MCPH1: variants seen among roughly 807,000 people sequenced by gnomAD.
MCPH1 encodes the protein microcephalin 1, also known as microcephalin.
Under a neutral mutation model 84.5 loss-of-function variants are expected in MCPH1, and 104 were observed. The observed-to-expected ratio is 1.23, with a 90% CI of 1.05 to 1.45. The LOEUF is 1.45. Ranked by LOEUF, MCPH1 falls within the 40% of genes most tolerant of loss-of-function variation. The pLI, the probability that MCPH1 is intolerant of heterozygous loss-of-function variation, is 0.00. For synonymous variants in MCPH1, 514 were observed against 366.8 expected, an observed-to-expected ratio of 1.40 and a Z score of -4.58; for missense variants, 1,498 against 1,005.7, an observed-to-expected ratio of 1.49 and a Z score of -6.62.
At chr8:6,628,461 C>G (rs1461637159) in intron 13 of MCPH1, among the ~76,000 whole-genome samples, 2 of 112,970 alleles carry the variant, frequency 1.8e-5, no homozygotes, top group Non-Finnish European at 3.4e-5. Context: ...CAGAGTAAGA[C>G]TCTGTCTCAA....
intron 12 of MCPH1, chr8:6,616,416 T>C (rs1336445850): frequency 6.6e-6 from 1 of 152,244 alleles, no homozygotes; most frequent in Non-Finnish European, 1.5e-5. Context: ...TCTGTTCTGC[T>C]TAGCTTTGTC....
At chr8:6,406,998 C>G in intron 1 of MCPH1, 1 of 445,460 alleles carries the variant, frequency 2.2e-6, no homozygotes, top group South Asian at 2.2e-5. Flanking sequence ...GCCCCAACCC[C>G]CGTGCTGCTA....
chr8:6,583,883 G>C (rs1481279184), intron 12 of MCPH1, among the ~76,000 whole-genome samples: 1 of 120,634 alleles, frequency 8.3e-6, no homozygotes, highest in African/African-American at 3.0e-5. Context: ...CATATCTTTG[G>C]CATTTTGTAC....
chr8:6,614,024 T>C (rs530697323), intron 12 of MCPH1, among the ~76,000 whole-genome samples: 9 of 152,196 alleles, frequency 5.9e-5, no homozygotes, highest in Non-Finnish European at 1.3e-4. Context: ...ACATCGTTTG[T>C]ACTTCTCCCT....
chr8:6,643,103 G>T lies in MCPH1; in HGVS notation c.*54G>T, dbSNP rs1187612953. On this transcript the variant is annotated 3_prime_UTR_variant, in exon 14 of 14. Transcript: ENST00000344683. ...CACACAGCTCGCAAAACTGTCTTTG[G>T]ATGTTCAAATGAGAAACAAAACTGT... 6.7e-6 allele frequency: 10 copies of T among 1,484,010 alleles called. No homozygotes were observed. Among genetic ancestry groups the T allele is most frequent in the Non-Finnish European group, 9.4e-6 (10 of 1,063,048 alleles). The allele number at this position is 1,484,010 out of a possible 1,614,324, so 91.9% of individuals were successfully genotyped here.
Position 6,489,594 on chromosome 8 carries a change from G to C in MCPH1, c.2136+8718G>C, listed in dbSNP as rs137899475. 2.2e-3 allele frequency among the ~76,000 whole-genome samples: 340 copies of C among 152,302 alleles called. 4 individuals are homozygous for C. The highest frequency in any genetic ancestry group is 7.9e-3 in the African/African-American group (327 of 41,572). On this transcript the variant is annotated intron_variant, in intron 11 of 13. Transcript: ENST00000344683. ...TGGAAGCACTAGGGTTATGTGTAAT[G>C]GTGCGATTTGCTGAGTTAGGGATTA...
At chr8:6,423,999 T>C (rs1388833461) in intron 3 of MCPH1, among the ~76,000 whole-genome samples, 4 of 152,210 alleles carry the variant, frequency 2.6e-5, no homozygotes, top group Non-Finnish European at 4.4e-5. Context: ...GTCACGTCTG[T>C]CCTTTCTTGG....
intron 7 of MCPH1, among the ~76,000 whole-genome samples, chr8:6,443,744 G>A (rs985423732): frequency 3.9e-5 from 6 of 152,250 alleles, no homozygotes; most frequent in Non-Finnish European, 5.9e-5. Context: ...GACAACCCAG[G>A]TGGGTTTGGA....
chr8:6,621,483 A>G lies in MCPH1; in HGVS notation c.2244A>G (p.Ala748=), dbSNP rs776950876. Residue 748 remains alanine, a synonymous_variant, in exon 13 of 14, where the codon GCA becomes GCG. Coordinates refer to ENST00000344683, the MANE Select transcript of MCPH1 (RefSeq NM_024596.5). Reference sequence around the variant, plus strand: ...GCCGAAGCGAGTGCCACTTGTCTGCAGGGCCGTACCGCGGAACCCTCTTTG... The same window carrying G: ...GCCGAAGCGAGTGCCACTTGTCTGCGGGGCCGTACCGCGGAACCCTCTTTG... ...PLCRSECHLS[A]GPYRGTLFAD... The G allele has an allele frequency of 1.2e-6, 2 of 1,614,066 alleles. No individual in the cohort carries two copies. Among genetic ancestry groups the G allele is most frequent in the East Asian group, 2.2e-5 (1 of 44,880 alleles).
intron 6 of MCPH1, among the ~76,000 whole-genome samples, chr8:6,440,428 G>GCC (rs1803336542): frequency 6.6e-6 from 1 of 152,180 alleles, no homozygotes; most frequent in South Asian, 2.1e-4. Flanking sequence ...GAGTCTCCCT[G>GCC]TGTTGCGCAG....
At chr8:6,551,222 A>G (rs1823595236) in intron 12 of MCPH1, among the ~76,000 whole-genome samples, 1 of 148,748 alleles carries the variant, frequency 6.7e-6, no homozygotes, top group Non-Finnish European at 1.5e-5. Context: ...AGGGCTGCTT[A>G]TTCGTGATTT....
chr8:6,644,683 G>C lies in MCPH1; in HGVS notation c.*1634G>C, dbSNP rs1798127968. The C allele has an allele frequency of 6.6e-6, 1 of 152,178 alleles. No homozygotes were observed. Among genetic ancestry groups the C allele is most frequent in the African/African-American group, 2.4e-5 (1 of 41,432 alleles). 9.4% of individuals were successfully genotyped at this position (152,178 alleles called of 1,614,324 possible). ...CATAAACGAGATGCTGAGTCCCAGCGAGGTCGGAGGTGCCACTGAGCCCTC... is the reference window on the plus strand; with the variant it reads ...CATAAACGAGATGCTGAGTCCCAGCCAGGTCGGAGGTGCCACTGAGCCCTC... On this transcript the variant is annotated 3_prime_UTR_variant, in exon 14 of 14. Coordinates refer to ENST00000344683, the MANE Select transcript of MCPH1 (RefSeq NM_024596.5).
intron 12 of MCPH1, among the ~76,000 whole-genome samples, chr8:6,608,227 C>G (rs896503126): frequency 6.6e-6 from 1 of 152,216 alleles, no homozygotes; most frequent in African/African-American, 2.4e-5. Flanking sequence ...AATGCCAGGC[C>G]TCACCTGCCC....
rs148936716 is a variant in MCPH1 at position 6,448,560 on chromosome 8, G to A, written c.1825+3013G>A. Among the ~76,000 whole-genome samples the A allele has an allele frequency of 3.3e-5, 5 of 152,324 alleles. No homozygotes were observed. The East Asian group carries it at 7.7e-4, about 23-fold the overall frequency. On this transcript the variant is annotated intron_variant, in intron 8 of 13. Transcript: ENST00000344683. Reference sequence around the variant, plus strand: ...CCATGGTCACTGAAGAACAGACTGTGGGTTGGAGTGTTTGTCTGCACGAAG... The same window carrying A: ...CCATGGTCACTGAAGAACAGACTGTAGGTTGGAGTGTTTGTCTGCACGAAG...
intron 12 of MCPH1, among the ~76,000 whole-genome samples, chr8:6,535,330 G>T (rs1402607305): frequency 6.6e-6 from 1 of 152,122 alleles, no homozygotes; most frequent in South Asian, 2.1e-4. Context: ...ATTCCAATTT[G>T]AAATTAAACT....
intron 12 of MCPH1, chr8:6,616,174 T>A (rs1830770826): frequency 6.6e-6 from 1 of 152,208 alleles, no homozygotes; most frequent in Non-Finnish European, 1.5e-5. Flanking sequence ...ACTACAGCCC[T>A]GTAAGACACG....
intron 12 of MCPH1, among the ~76,000 whole-genome samples, chr8:6,593,259 T>C (rs923020771): frequency 1.3e-5 from 2 of 151,456 alleles, no homozygotes; most frequent in African/African-American, 4.9e-5. Context: ...AATTTTGTCT[T>C]TTTAATAGAG....
chr8:6,645,976 A>G lies in MCPH1; in HGVS notation c.*2927A>G, dbSNP rs1040694241. The G allele has an allele frequency of 1.3e-5, 2 of 152,370 alleles. No homozygotes were observed. Among genetic ancestry groups the G allele is most frequent in the Middle Eastern group, 3.4e-3 (1 of 294 alleles). 9.4% of individuals were successfully genotyped at this position (152,370 alleles called of 1,614,324 possible). A position where few individuals can be genotyped will look rare whatever the true frequency, so the allele number is the denominator to read the frequency against. Reference sequence around the variant, plus strand: ...ACGTATAGATTCAATGCAATCCATTAAAATCTCAGATGGCTTTTTATAGAA... The same window carrying G: ...ACGTATAGATTCAATGCAATCCATTGAAATCTCAGATGGCTTTTTATAGAA... On this transcript the variant is annotated 3_prime_UTR_variant, in exon 14 of 14. Coordinates refer to ENST00000344683, the MANE Select transcript of MCPH1 (RefSeq NM_024596.5).
At chr8:6,539,937 C>CGG (rs145698255) in intron 12 of MCPH1, among the ~76,000 whole-genome samples, 8 of 151,862 alleles carry the variant, frequency 5.3e-5, no homozygotes, top group African/African-American at 1.9e-4. Flanking sequence ...ATAACCAACC[C>CGG]CTTTCCTACT....
Sources: allele counts gnomAD v4.1 joint callset (sites outside exome capture counted in the v4.1 genomes callset), GRCh38; gene constraint gnomAD v4.1.1; transcripts MANE v1.5; gene names NCBI Gene and HGNC (gene_info 2026-07-23, HGNC 2026-07-21).